The following PCDHGA5 variants were observed in gnomAD, a reference collection of about 807,000 sequenced individuals.
PCDHGA5 encodes protocadherin gamma subfamily A, 5, also known as protocadherin gamma-A5.
In PCDHGA5, 36 loss-of-function variants were observed where a neutral mutation model predicts 56.7. The ratio of observed to expected loss-of-function variants is 0.64; its 90% confidence interval spans 0.49 to 0.84. The LOEUF (loss-of-function observed/expected upper bound fraction) is 0.84, where lower values mean the gene tolerates loss of function less well. PCDHGA5 is among the 40% of genes least tolerant of loss of function. The probability of loss-of-function intolerance (pLI) is 0.00; values close to 1 mark genes in which losing one functional copy is unlikely to be tolerated. For missense variants in PCDHGA5, 1,305 were observed against 1,201.5 expected (o/e 1.09, Z -1.27); for synonymous variants, 563 against 520.2 (o/e 1.08, Z -1.12).
chr5:141,452,587 A>G (rs1171400700), intron 1 of PCDHGA5, among the ~76,000 whole-genome samples: 1 of 151,948 alleles, frequency 6.6e-6, no homozygotes, highest in Non-Finnish European at 1.5e-5. Context: ...CCATCTTTGT[A>G]TTTTTATTTT....
chr5:141,422,074 C>T (rs886758924), intron 1 of PCDHGA5: 8 of 1,612,146 alleles, frequency 5.0e-6, no homozygotes, highest in African/African-American at 4.0e-5. Context: ...GTATTCATTT[C>T]GGAACATGGA....
chr5:141,383,310 A>C (rs1779012544), intron 1 of PCDHGA5: 1 of 1,614,004 alleles, frequency 6.2e-7, no homozygotes, highest in Non-Finnish European at 8.5e-7. Context: ...TGACGGAAGA[A>C]ATAAATGTAA....
Position 141,490,888 on chromosome 5 carries a change from C to G in PCDHGA5, c.2422-3919C>G. The G allele has an allele frequency of 1.2e-6, 2 of 1,613,358 alleles. No individual in the cohort carries two copies. The highest frequency in any genetic ancestry group is 1.7e-6 in the Non-Finnish European group (2 of 1,179,390). On this transcript the variant is annotated intron_variant, in intron 1 of 3. Transcript: ENST00000518069. This position sits in a 1 kb window ranked among gnomAD's most constrained non-coding sequence, Gnocchi z 5.4. Reference sequence around the variant, plus strand: ...TCCCCCATTGCATGCCAACACATCTCTGCATGTGTTTGTCCTAGACGAGAA... The same window carrying G: ...TCCCCCATTGCATGCCAACACATCTGTGCATGTGTTTGTCCTAGACGAGAA...
At chr5:141,394,009 GTAATTATTATAGA>G (rs780846520) in intron 1 of PCDHGA5, 1 of 1,613,394 alleles carries the variant, frequency 6.2e-7, no homozygotes, top group Non-Finnish European at 8.5e-7. Context: ...AAGTCAATAG[GTAATTATTATAGA>G]TTAGTGACAA....
Position 141,383,339 on chromosome 5 carries a change from C to T in PCDHGA5, c.2421+16588C>T, listed in dbSNP as rs1244023518. ...AATGTAAAAATAATGGAGAATACAG[C>T]TCCTGGGGTTCGGTTTCCGTTAAGC... On this transcript the variant is annotated intron_variant, in intron 1 of 3. Transcript: ENST00000518069. The T allele has an allele frequency of 3.7e-6, 6 of 1,614,014 alleles. No homozygotes were observed. The highest frequency in any genetic ancestry group is 3.3e-5 in the Admixed American group (2 of 60,036).
At chr5:141,393,876 C>A in intron 1 of PCDHGA5, 1 of 1,613,862 alleles carries the variant, frequency 6.2e-7, no homozygotes, top group Non-Finnish European at 8.5e-7. Context: ...TTTGTTTAGC[C>A]CAGTGTTAGA....
intron 1 of PCDHGA5, chr5:141,370,342 A>G (rs968653011): frequency 1.3e-5 from 19 of 1,475,912 alleles, no homozygotes; most frequent in Non-Finnish European, 1.7e-5. Flanking sequence ...TCTTGGGATT[A>G]TTTAAAGATC....
chr5:141,394,128 G>T, intron 1 of PCDHGA5: 10 of 1,613,730 alleles, frequency 6.2e-6, no homozygotes, highest in Non-Finnish European at 5.9e-6. Context: ...AACTCAAATC[G>T]CTCTGCACGT....
chr5:141,508,269 C>T (rs1459186158), intron 3 of PCDHGA5: 1 of 152,186 alleles, frequency 6.6e-6, no homozygotes, highest in East Asian at 1.9e-4. Flanking sequence ...GAGAAAATCC[C>T]GGTCCTTGAC....
intron 1 of PCDHGA5, among the ~76,000 whole-genome samples, chr5:141,457,904 T>C (rs960822555): frequency 6.0e-5 from 9 of 150,288 alleles, no homozygotes; most frequent in African/African-American, 2.2e-4. Context: ...GTAGACAAGG[T>C]GTGAGGCCAG....
chr5:141,483,445 C>T (rs1332037230), intron 1 of PCDHGA5, among the ~76,000 whole-genome samples: 1 of 152,106 alleles, frequency 6.6e-6, no homozygotes, highest in Admixed American at 6.5e-5. Context: ...ACAATAAAAT[C>T]ATCAGGACTT....
chr5:141,374,061 G>T, intron 1 of PCDHGA5: 1 of 1,493,670 alleles, frequency 6.7e-7, no homozygotes, highest in Non-Finnish European at 8.9e-7. Flanking sequence ...CTTAATCCCA[G>T]AGAAGTTCCT....
chr5:141,392,360 CAATCTGATCATTCTGATCT>C (rs1372415416), intron 1 of PCDHGA5: 2 of 152,712 alleles, frequency 1.3e-5, no homozygotes, highest in Non-Finnish European at 2.9e-5. Context: ...TCCGATGCTA[CAATCTGATCATTCTGATCT>C]AATCTGATCA....
intron 1 of PCDHGA5, chr5:141,391,563 A>T (rs545672465): frequency 5.3e-5 from 8 of 152,322 alleles, no homozygotes; most frequent in Admixed American, 2.0e-4. Context: ...TTCCATATGC[A>T]TAAGAAAATA....
rs749221752 is a variant in PCDHGA5 at position 141,432,670 on chromosome 5, G to T, written c.2422-62137G>T. ...CGCGAGCCCTGCTGGACAGAGACGCGCTCAAGCAGAGCCTCGTAGTGGCCG... is the reference window on the plus strand; with the variant it reads ...CGCGAGCCCTGCTGGACAGAGACGCTCTCAAGCAGAGCCTCGTAGTGGCCG... On this transcript the variant is annotated intron_variant, in intron 1 of 3. Coordinates refer to ENST00000518069, the MANE Select transcript of PCDHGA5 (RefSeq NM_018918.3). This position sits in a 1 kb window ranked among gnomAD's most constrained non-coding sequence, Gnocchi z 6.0. 7 of 1,613,750 alleles carry T rather than the reference G, an allele frequency of 4.3e-6. No homozygotes were observed. The African/African-American group carries it at 5.3e-5, about 12-fold the overall frequency.
At chr5:141,498,796 G>C (rs1160540093) in intron 2 of PCDHGA5, among the ~76,000 whole-genome samples, 1 of 152,032 alleles carries the variant, frequency 6.6e-6, no homozygotes, top group African/African-American at 2.4e-5. Context: ...AGCCAGGTGT[G>C]GTGGTGCACA....
Position 141,487,070 on chromosome 5 carries a change from C to A in PCDHGA5, c.2422-7737C>A, listed in dbSNP as rs1365482479. The A allele has an allele frequency of 6.2e-7, 1 of 1,614,036 alleles. No individual in the cohort carries two copies. The highest frequency in any genetic ancestry group is 8.5e-7 in the Non-Finnish European group (1 of 1,180,016). ...TGCTGGGGAGGTGCGGACGGCTGTT[C>A]CTATCCCAGCTGACCTCCCACCACA... is the stretch of plus-strand genomic sequence containing the variant. On this transcript the variant is annotated intron_variant, in intron 1 of 3. Coordinates refer to ENST00000518069, the MANE Select transcript of PCDHGA5 (RefSeq NM_018918.3). The surrounding 1 kb of genome is among the most constrained non-coding windows in gnomAD (Gnocchi z 5.0).
chr5:141,372,713 A>T, intron 1 of PCDHGA5: 2 of 1,613,998 alleles, frequency 1.2e-6, no homozygotes, highest in South Asian at 2.2e-5. Flanking sequence ...TAAAGGCTGA[A>T]AATGCTGCAC....
intron 1 of PCDHGA5, chr5:141,383,969 C>G (rs981868963): frequency 6.2e-7 from 1 of 1,613,732 alleles, no homozygotes; most frequent in Non-Finnish European, 8.5e-7. Context: ...AGCTCAATCC[C>G]TGAAGACACA....
Sources: gnomAD v4.1 joint callset for allele counts (sites outside exome capture counted in the v4.1 genomes callset) on GRCh38, gnomAD v4.1.1 for gene constraint, Gnocchi (gnomAD v3.1) non-coding constraint, MANE v1.5 for transcripts, NCBI Gene and HGNC (gene_info 2026-07-23, HGNC 2026-07-21) for gene names.